Variants in DZANK1 observed in about 807,000 individuals in gnomAD.
DZANK1 encodes double zinc ribbon and ankyrin repeat-containing protein 1.
DZANK1 carries 91 observed loss-of-function variants against 94.5 expected under a neutral mutation model. That is an observed-to-expected ratio of 0.96 (90% CI 0.81 to 1.15). The LOEUF is 1.15. Ranked by LOEUF, DZANK1 falls within the 50% of genes most tolerant of loss-of-function variation. The probability of loss-of-function intolerance (pLI) is 0.00; values close to 1 mark genes in which losing one functional copy is unlikely to be tolerated. For synonymous variants in DZANK1, 312 were observed against 325.3 expected, an observed-to-expected ratio of 0.96 and a Z score of 0.44; for missense variants, 903 against 916.4, an observed-to-expected ratio of 0.99 and a Z score of 0.19.
At chr20:18,431,701 G>C (rs945418937) in intron 9 of DZANK1, among the ~76,000 whole-genome samples, 2 of 152,170 alleles carry the variant, frequency 1.3e-5, no homozygotes, top group Non-Finnish European at 2.9e-5. Flanking sequence ...AATCAAGTCT[G>C]GTTAAAACCT....
At chr20:18,391,343 C>G (rs1248762339) in intron 17 of DZANK1, among the ~76,000 whole-genome samples, 1 of 152,126 alleles carries the variant, frequency 6.6e-6, no homozygotes, top group African/African-American at 2.4e-5. Context: ...CAGCAATTCT[C>G]CTGTCTCAGC....
chr20:18,433,362 T>C lies in DZANK1; in HGVS notation c.861+290A>G, dbSNP rs1046531937. ...TTTGAGACCAGCCTGGCCAAGATGA[T>C]GAAACCCCATGTCTACTAAAAATAT... is the stretch of plus-strand genomic sequence containing the variant. On this transcript the variant is annotated intron_variant, in intron 9 of 20. Coordinates refer to ENST00000262547, the Ensembl canonical transcript of DZANK1. 1.5e-4 allele frequency: 50 copies of C among 325,578 alleles called. 1 individual carries two copies. Among genetic ancestry groups the C allele is most frequent in the South Asian group, 1.3e-3 (46 of 34,694 alleles). 20.2% of individuals were successfully genotyped at this position (325,578 alleles called of 1,614,324 possible). A position where few individuals can be genotyped will look rare whatever the true frequency, so the allele number is the denominator to read the frequency against.
In DZANK1 at chr20:18,433,308, G is replaced by A. The variant is rs545591548; in HGVS notation, c.861+344C>T. On this transcript the variant is annotated intron_variant, in intron 9 of 20. Transcript: ENST00000262547. ...CTGTAATCCAGCACTTTGGGAGGCTGAGGTGGGCGCATCACCTGAGGTCAG... is the reference window on the plus strand; with the variant it reads ...CTGTAATCCAGCACTTTGGGAGGCTAAGGTGGGCGCATCACCTGAGGTCAG... 27 of 259,394 alleles carry A rather than the reference G, an allele frequency of 1.0e-4. No homozygotes were observed. In the Admixed American group the frequency reaches 1.2e-3, roughly 11 times the overall value. The allele number at this position is 259,394 out of a possible 1,614,324, so 16.1% of individuals were successfully genotyped here. A position where few individuals can be genotyped will look rare whatever the true frequency, so the allele number is the denominator to read the frequency against.
chr20:18,457,354 G>T (rs1004692470), intron 3 of DZANK1, among the ~76,000 whole-genome samples: 1 of 152,066 alleles, frequency 6.6e-6, no homozygotes, highest in African/African-American at 2.4e-5. Context: ...GTGCACACCT[G>T]TAATCCCAGC....
At chr20:18,427,307 G>A in intron 9 of DZANK1, 148 bp from the exon 10 acceptor site, 5 of 484,220 alleles carry the variant, frequency 1.0e-5, no homozygotes, top group Non-Finnish European at 1.4e-5. Flanking sequence ...AGGAGTTACT[G>A]TAAATAGTGT....
intron 8 of DZANK1, among the ~76,000 whole-genome samples, chr20:18,435,512 G>T (rs1010534688): frequency 6.6e-5 from 10 of 152,126 alleles, no homozygotes; most frequent in Admixed American, 6.5e-4. Flanking sequence ...ACCAAACACT[G>T]CATGTTTTCA....
chr20:18,405,245 GAATATA>G (rs2056902549), intron 13 of DZANK1, among the ~76,000 whole-genome samples: 1 of 151,938 alleles, frequency 6.6e-6, no homozygotes, highest in African/African-American at 2.4e-5. Flanking sequence ...TGAAATAAGA[GAATATA>G]AATAAACACA....
chr20:18,435,231 TG>T (rs1302463627), intron 8 of DZANK1, among the ~76,000 whole-genome samples: 9 of 152,188 alleles, frequency 5.9e-5, no homozygotes, highest in Admixed American at 5.9e-4. Flanking sequence ...GTACAATCTC[TG>T]GCCAACTGAA....
At chr20:18,402,753 T>G (rs1173892365) in intron 13 of DZANK1, among the ~76,000 whole-genome samples, 1 of 152,248 alleles carries the variant, frequency 6.6e-6, no homozygotes, top group Non-Finnish European at 1.5e-5. Flanking sequence ...CTCTGCCTCA[T>G]GCCTCTCGGC....
At chr20:18,417,513 TTA>T (rs952414138) in intron 10 of DZANK1, among the ~76,000 whole-genome samples, 13 of 151,566 alleles carry the variant, frequency 8.6e-5, no homozygotes, top group African/African-American at 3.1e-4. Flanking sequence ...GAGTGTCATT[TTA>T]TGATGAGAGA....
Position 18,385,099 on chromosome 20 carries a change from G to A in DZANK1, c.2019-9C>T, listed in dbSNP as rs376039405. 32 of 1,552,042 alleles carry A rather than the reference G, an allele frequency of 2.1e-5. No homozygotes were observed. The East Asian group carries it at 3.4e-4, about 17-fold the overall frequency. ...GAGCTGTATTTCTGAGCCTAATGAG[G>A]GGGGAAAAATCCTGGATAAATCCTT... is the stretch of plus-strand genomic sequence containing the variant. On this transcript the variant is annotated splice_polypyrimidine_tract_variant and intron_variant, in intron 19 of 20. Transcript: ENST00000262547.
At chr20:18,448,912 T>A (rs960522901) in intron 7 of DZANK1, 72 bp downstream of exon 7, 12 of 1,206,302 alleles carry the variant, frequency 9.9e-6, no homozygotes, top group African/African-American at 1.6e-5. Flanking sequence ...AAATGTCGTA[T>A]CTTTAAATTC....
intron 2 of DZANK1, among the ~76,000 whole-genome samples, chr20:18,464,145 C>T (rs2148830807): frequency 6.6e-6 from 1 of 151,796 alleles, no homozygotes; most frequent in East Asian, 1.9e-4. Flanking sequence ...GCCATCTCGG[C>T]TCACTGCAAC....
chr20:18,425,505 TG>T (rs2057998780), intron 10 of DZANK1, among the ~76,000 whole-genome samples: 1 of 150,180 alleles, frequency 6.7e-6, no homozygotes, highest in Non-Finnish European at 1.5e-5. Context: ...GAGCCGAGAC[TG>T]CACCACTGCA....
chr20:18,385,847 T>C (rs954355773), intron 19 of DZANK1, among the ~76,000 whole-genome samples: 2 of 152,158 alleles, frequency 1.3e-5, no homozygotes, highest in African/African-American at 4.8e-5. Context: ...GGGGCAGGCC[T>C]GAGAGGTCAG....
At position 18,430,269 on chromosome 20, in the gene DZANK1, A is replaced by C. The variant is rs145342556; in HGVS notation, c.862-3110T>G. Among the ~76,000 whole-genome samples the C allele has an allele frequency of 5.9e-3, 905 of 152,280 alleles. 9 individuals are homozygous for C. The highest frequency in any genetic ancestry group is 0.021 in the African/African-American group (858 of 41,566). On this transcript the variant is annotated intron_variant, in intron 9 of 20. Coordinates refer to ENST00000262547, the Ensembl canonical transcript of DZANK1. ...GTTACACTGGCCTTAACCCCAAATCACGGTGTGAGAGGCTGGGACTCACTG... is the reference window on the plus strand; with the variant it reads ...GTTACACTGGCCTTAACCCCAAATCCCGGTGTGAGAGGCTGGGACTCACTG...
intron 7 of DZANK1, among the ~76,000 whole-genome samples, chr20:18,444,374 C>G (rs2058807125): frequency 6.6e-6 from 1 of 152,178 alleles, no homozygotes; most frequent in South Asian, 2.1e-4. Context: ...CTATCTCATT[C>G]CACTGATTTG....
rs139035515 is a variant in DZANK1 at position 18,389,714 on chromosome 20, G to A, written c.2005C>T (p.Gln669Ter). The change falls in exon 19 of 21, where the codon CAG (glutamine) becomes TAG (stop). Residue 669 changes from glutamine to a stop codon, truncating the protein, a stop_gained. Coordinates refer to ENST00000262547, the Ensembl canonical transcript of DZANK1. LOFTEE classifies it high-confidence loss of function. The stretch of plus-strand genomic sequence containing the variant: ...TGTTTCACTTACGGCCCCCACTGCT[G>A]GTCGATGTCTGCTCCTCTCTGCACG... The A allele has an allele frequency of 2.0e-5, 32 of 1,613,862 alleles. No individual in the cohort carries two copies. In the Middle Eastern group the frequency reaches 4.9e-4, roughly 25 times the overall value.
At chr20:18,455,414 A>C (rs771406154) in intron 3 of DZANK1, 53 bp from the exon 4 acceptor site, 1 of 1,256,704 alleles carries the variant, frequency 8.0e-7, no homozygotes, top group Admixed American at 2.3e-5. Context: ...AAGATTTTTT[A>C]AAAAGTGGCT....
Sources: allele counts gnomAD v4.1 joint callset (sites outside exome capture counted in the v4.1 genomes callset), GRCh38; gene constraint gnomAD v4.1.1; transcripts MANE v1.5; gene names NCBI Gene and HGNC (gene_info 2026-07-23, HGNC 2026-07-21).